Variants in IMMP2L observed in about 807,000 individuals in gnomAD.
IMMP2L encodes the protein mitochondrial inner membrane protease subunit 2.
IMMP2L carries 18 observed loss-of-function variants against 19.3 expected under a neutral mutation model. The observed-to-expected ratio is 0.93, with a 90% CI of 0.64 to 1.38. The LOEUF is 1.38. Ranked by LOEUF, IMMP2L falls within the 40% of genes most tolerant of loss-of-function variation. The pLI is 0.00. For synonymous variants in IMMP2L, 76 were observed against 73.0 expected (o/e 1.04, Z -0.21); for missense variants, 233 against 218.2 (o/e 1.07, Z -0.43).
At chr7:110,926,333 C>T (rs536975691) in intron 4 of IMMP2L, among the ~76,000 whole-genome samples, 2 of 152,086 alleles carry the variant, frequency 1.3e-5, no homozygotes, top group South Asian at 4.1e-4. Flanking sequence ...GTAAAACAAC[C>T]ATTTTGAAGC....
At chr7:111,350,455 T>C (rs1020757547) in intron 3 of IMMP2L, among the ~76,000 whole-genome samples, 3 of 152,006 alleles carry the variant, frequency 2.0e-5, no homozygotes, top group African/African-American at 7.2e-5. Flanking sequence ...GCCATCTTAG[T>C]GTCCCCAGAT....
chr7:110,902,089 C>T (rs1214525297), intron 4 of IMMP2L, among the ~76,000 whole-genome samples: 2 of 151,874 alleles, frequency 1.3e-5, no homozygotes, highest in Non-Finnish European at 2.9e-5. Flanking sequence ...TCAACTCAGT[C>T]TACATTTATA....
intron 3 of IMMP2L, among the ~76,000 whole-genome samples, chr7:111,005,318 T>C (rs1824177314): frequency 6.6e-6 from 1 of 152,178 alleles, no homozygotes; most frequent in Non-Finnish European, 1.5e-5. Context: ...AAGAAAACCA[T>C]ATACAGTGTT....
rs529022310 is a variant in IMMP2L, at chr7:111,504,986, C to A, written c.135+16327G>T. Among the ~76,000 whole-genome samples, 2 of 152,134 alleles carry A rather than the reference C, an allele frequency of 1.3e-5. 1 individual carries two copies. Among genetic ancestry groups the A allele is most frequent in the South Asian group, 4.2e-4 (2 of 4,806 alleles). On this transcript the variant is annotated intron_variant, in intron 2 of 5. Coordinates refer to ENST00000405709, the MANE Select transcript of IMMP2L (RefSeq NM_032549.4). ...AACTGACAAATGGGATCTAATTAAA[C>A]TAAAGAGCTTCTGCACAGCAAAAGA...
chr7:111,145,679 G>A (rs563184841), intron 3 of IMMP2L, among the ~76,000 whole-genome samples: 1 of 152,198 alleles, frequency 6.6e-6, no homozygotes, highest in South Asian at 2.1e-4. Flanking sequence ...TCGCGTCAGG[G>A]TGAATGCTGA....
At chr7:111,234,422 GTCTTGC>G in intron 3 of IMMP2L, among the ~76,000 whole-genome samples, 1 of 152,218 alleles carries the variant, frequency 6.6e-6, no homozygotes, top group East Asian at 1.9e-4. Flanking sequence ...CTGGATTTGT[GTCTTGC>G]TCCTTGAAGT....
At chr7:110,674,828 C>G (rs552446653) in intron 5 of IMMP2L, among the ~76,000 whole-genome samples, 9 of 152,144 alleles carry the variant, frequency 5.9e-5, no homozygotes, top group Admixed American at 2.0e-4. Flanking sequence ...TCCAGAGCAC[C>G]TACAACAGGA....
In IMMP2L at chr7:110,932,270, A is replaced by T. The variant is rs181018417; in HGVS notation, c.305+31230T>A. On this transcript the variant is annotated intron_variant, in intron 4 of 5. Coordinates refer to ENST00000405709, the MANE Select transcript of IMMP2L (RefSeq NM_032549.4). The stretch of plus-strand genomic sequence containing the variant: ...ACTATTTCTAGATCGAATGAATCCC[A>T]ACAGAAGTCTTAGATGTTTAAGCCC... Among the ~76,000 whole-genome samples, 5 of 152,344 alleles carry T rather than the reference A, an allele frequency of 3.3e-5. No homozygotes were observed. In the East Asian group the frequency reaches 9.6e-4, roughly 29 times the overall value.
At chr7:110,836,169 A>C (rs576609367) in intron 5 of IMMP2L, among the ~76,000 whole-genome samples, 17 of 152,282 alleles carry the variant, frequency 1.1e-4, no homozygotes, top group Admixed American at 2.0e-4. Flanking sequence ...AGAAATGATA[A>C]GGTTAGGTTA....
chr7:110,816,358 C>T (rs1199200701), intron 5 of IMMP2L, among the ~76,000 whole-genome samples: 1 of 152,038 alleles, frequency 6.6e-6, no homozygotes, highest in African/African-American at 2.4e-5. Context: ...TGTTCTTTTA[C>T]ATTTGCTGAG....
At chr7:110,859,911 T>C (rs1037382134) in intron 5 of IMMP2L, among the ~76,000 whole-genome samples, 2 of 152,112 alleles carry the variant, frequency 1.3e-5, no homozygotes, top group African/African-American at 4.8e-5. Flanking sequence ...ATCATACTCA[T>C]AAAAAATTAT....
At chr7:111,111,886 A>G (rs1799249037) in intron 3 of IMMP2L, among the ~76,000 whole-genome samples, 1 of 150,338 alleles carries the variant, frequency 6.7e-6, no homozygotes, top group African/African-American at 2.4e-5. Context: ...GGTGACAGGA[A>G]AAAGGAAATG....
chr7:111,463,507 G>A (rs1840330024), intron 3 of IMMP2L, among the ~76,000 whole-genome samples: 1 of 152,114 alleles, frequency 6.6e-6, no homozygotes, highest in Admixed American at 6.6e-5. Flanking sequence ...CAACAGAAGA[G>A]AGAAGGGAGG....
intron 2 of IMMP2L, among the ~76,000 whole-genome samples, chr7:111,511,287 C>G (rs894715983): frequency 1.3e-5 from 2 of 152,000 alleles, no homozygotes; most frequent in Non-Finnish European, 2.9e-5. Flanking sequence ...TTTCTTTTTG[C>G]TTCTCATATA....
chr7:111,490,326 G>C (rs73426244), intron 2 of IMMP2L, among the ~76,000 whole-genome samples: 32,546 of 148,038 alleles, frequency 0.22, 5,170 homozygotes, highest in African/African-American at 0.45. Flanking sequence ...GCTATGTTGA[G>C]CAGGATGGTC....
At chr7:110,952,915 C>T (rs985381119) in intron 4 of IMMP2L, among the ~76,000 whole-genome samples, 5 of 152,082 alleles carry the variant, frequency 3.3e-5, no homozygotes, top group Non-Finnish European at 7.4e-5. Flanking sequence ...GTCTAGATCA[C>T]ATATCATTGC....
At chr7:111,378,204 A>T (rs1830865283) in intron 3 of IMMP2L, among the ~76,000 whole-genome samples, 1 of 152,058 alleles carries the variant, frequency 6.6e-6, no homozygotes, top group Admixed American at 6.6e-5. Flanking sequence ...AAATTGCATG[A>T]TAATCATCTT....
chr7:111,341,011 G>A (rs1826956709), intron 3 of IMMP2L, among the ~76,000 whole-genome samples: 1 of 152,036 alleles, frequency 6.6e-6, no homozygotes, highest in African/African-American at 2.4e-5. Context: ...TCATCAAGCT[G>A]TACTTTCAAG....
intron 3 of IMMP2L, among the ~76,000 whole-genome samples, chr7:111,263,567 T>C (rs1009442841): frequency 3.3e-5 from 5 of 151,852 alleles, no homozygotes; most frequent in Admixed American, 6.6e-5. Context: ...GATATATGAG[T>C]CTGGATATAT....
Sources: gnomAD v4.1 joint callset for allele counts (sites outside exome capture counted in the v4.1 genomes callset) on GRCh38, gnomAD v4.1.1 for gene constraint, MANE v1.5 for transcripts, NCBI Gene and HGNC (gene_info 2026-07-23, HGNC 2026-07-21) for gene names.